Variants in SUV39H1 observed in about 807,000 individuals in gnomAD.
The protein encoded by SUV39H1 is SUV39H1 histone lysine methyltransferase, also known as histone-lysine N-methyltransferase SUV39H1.
For missense variants in SUV39H1, 180 were observed against 386.3 expected (o/e 0.47, Z 4.48); for synonymous variants, 141 against 150.5 (o/e 0.94, Z 0.46).
In SUV39H1 at chrX:48,706,125, G is replaced by A. The variant is rs1425338121; in HGVS notation, c.829-140G>A. 8 of 847,753 alleles carry A rather than the reference G, an allele frequency of 9.4e-6. No homozygotes were observed. In the East Asian group the frequency reaches 1.0e-4, roughly 11 times the overall value. The allele number at this position is 847,753 out of a possible 1,213,427, so 69.9% of individuals were successfully genotyped here. On this transcript the variant is annotated intron_variant, in intron 3 of 5. Transcript: ENST00000376687. ...GAGGCCCAGCTCCTCAGGAAGGGCC[G>A]ACAGACTCTCTGCGTCACTGCCCAT...
At position 48,700,099 on chromosome X, in the gene SUV39H1, A is replaced by G. The variant is rs1557009192; in HGVS notation, c.174A>G (p.Glu58=). ...LCDYKKIREQ[E]YYLVKWRGYP... is the part of the protein sequence containing the mutation. ...CTACCCACCCCCAACAGGAACAGGA[A>G]TATTACCTGGTGAAATGGCGTGGAT... The change falls in exon 3 of 6, where the codon GAA becomes GAG. Residue 58 remains glutamate, a synonymous_variant. Coordinates refer to ENST00000376687, the MANE Select transcript of SUV39H1 (RefSeq NM_003173.4). 1 of 1,186,649 alleles carries G rather than the reference A, an allele frequency of 8.4e-7. No individual in the cohort carries two copies. Among genetic ancestry groups the G allele is most frequent in the South Asian group, 1.9e-5 (1 of 54,034 alleles).
intron 1 of SUV39H1, among the ~76,000 whole-genome samples, chrX:48,697,098 G>A (rs781817629): frequency 1.8e-5 from 2 of 109,683 alleles, no homozygotes; most frequent in Admixed American, 9.4e-5. Flanking sequence ...GGGGCTTGTC[G>A]AGGAGGCCGC....
rs1234216410 is a variant in SUV39H1 at position 48,708,119 on chromosome X, G to A, written c.*549G>A. Reference sequence around the variant, plus strand: ...TACGGGCTGAGGCTGGTTTCTGCTCGTGCTTACAGTGCTGGGTAGTGTTGG... The same window carrying A: ...TACGGGCTGAGGCTGGTTTCTGCTCATGCTTACAGTGCTGGGTAGTGTTGG... On this transcript the variant is annotated 3_prime_UTR_variant, in exon 6 of 6. Transcript: ENST00000376687. The A allele has an allele frequency of 1.9e-5, 4 of 211,035 alleles. No individual in the cohort carries two copies. Among genetic ancestry groups the A allele is most frequent in the South Asian group, 6.2e-5 (1 of 16,015 alleles). 17.4% of individuals were successfully genotyped at this position (211,035 alleles called of 1,213,427 possible).
chrX:48,700,981 A>G (rs781795995), intron 3 of SUV39H1: 8 of 469,805 alleles, frequency 1.7e-5, no homozygotes, highest in Non-Finnish European at 2.7e-5. Context: ...ATACTTCTGC[A>G]CTGGGTTGAC....
chrX:48,706,752 C>G (rs1201339084), intron 5 of SUV39H1, 125 bp downstream of exon 5: 2 of 827,450 alleles, frequency 2.4e-6, no homozygotes, highest in East Asian at 7.0e-5. Flanking sequence ...TTAAGATGCT[C>G]TTCCTGACTC....
rs782020916 is a variant in SUV39H1 at position 48,700,223 on chromosome X, C to G, written c.298C>G (p.Arg100Gly). 2 of 1,202,845 alleles carry G rather than the reference C, an allele frequency of 1.7e-6. No homozygotes were observed. Among genetic ancestry groups the G allele is most frequent in the Non-Finnish European group, 2.2e-6 (2 of 891,633 alleles). The change falls in exon 3 of 6, where the codon CGG becomes GGG. Residue 100 changes from arginine to glycine, a missense_variant. Coordinates refer to ENST00000376687, the MANE Select transcript of SUV39H1 (RefSeq NM_003173.4). ...GGACTTAGAAAGGGAGCTGCTCCGG[C>G]GGCACCACCGGTCAAAGACCCCCCG... ...HKDLERELLR[R>G]HHRSKTPRHL...
intron 2 of SUV39H1, 61 bp downstream of exon 2, chrX:48,699,108 C>T: frequency 9.0e-7 from 1 of 1,112,972 alleles, no homozygotes; most frequent in Non-Finnish European, 1.2e-6. Context: ...AGTGTCCTGC[C>T]CTCTTGTCCC....
At chrX:48,705,281 G>A (rs1236177058) in intron 3 of SUV39H1, 2 of 112,846 alleles carry the variant, frequency 1.8e-5, no homozygotes, top group Admixed American at 9.3e-5. Flanking sequence ...AGGCTGCTAA[G>A]CCAGGAAGCA....
At chrX:48,706,161 G>A (rs1261963369) in intron 3 of SUV39H1, 104 bp from the exon 4 acceptor site, 17 of 1,048,081 alleles carry the variant, frequency 1.6e-5, no homozygotes, top group Middle Eastern at 3.7e-4. Flanking sequence ...GTGTGTCCAC[G>A]GGCAGGGGTG....
upstream of SUV39H1, chrX:48,696,619 C>T (rs1557008616): frequency 2.2e-5 from 14 of 649,936 alleles, no homozygotes; most frequent in Non-Finnish European, 1.3e-5. Context: ...CCTCCGGGAC[C>T]GAGCCGGGCG....
In SUV39H1 at chrX:48,700,513, G is replaced by A. The variant is rs782391993; in HGVS notation, c.588G>A (p.Pro196=). Reference sequence around the variant, plus strand: ...GGGCACCCACTGGAGGCTGCTGCCCGGGGGCGTCACTGCACAAGTTTGCCT... The same window carrying A: ...GGGCACCCACTGGAGGCTGCTGCCCAGGGGCGTCACTGCACAAGTTTGCCT... The part of the protein sequence containing the change: ...CLWAPTGGCC[P]GASLHKFAYN... Residue 196 remains proline (P), a synonymous_variant, in exon 3 of 6, where the codon CCG becomes CCA. Transcript: ENST00000376687. 7.4e-6 allele frequency: 9 copies of A among 1,212,087 alleles called. No individual in the cohort carries two copies. The highest frequency in any genetic ancestry group is 3.5e-5 in the African/African-American group (2 of 57,940).
At chrX:48,703,632 TG>T (rs1440533674) in intron 3 of SUV39H1, among the ~76,000 whole-genome samples, 2 of 112,646 alleles carry the variant, frequency 1.8e-5, no homozygotes, top group Non-Finnish European at 3.7e-5. Flanking sequence ...AATTAAATCA[TG>T]GTGTATCATT....
chrX:48,701,507 T>C (rs782500578), intron 3 of SUV39H1, among the ~76,000 whole-genome samples: 23 of 111,389 alleles, frequency 2.1e-4, no homozygotes, highest in Non-Finnish European at 4.0e-4. Context: ...AAGTGGGGGA[T>C]AGAAGGGGCC....
At chrX:48,695,882 G>A, upstream of SUV39H1, 2 of 1,156,142 alleles carry the variant, frequency 1.7e-6, no homozygotes, top group African/African-American at 1.8e-5. Context: ...GTGGTGTGGA[G>A]GCTTAATCCT....
chrX:48,703,244 C>T (rs1426822204), intron 3 of SUV39H1, among the ~76,000 whole-genome samples: 4 of 112,434 alleles, frequency 3.6e-5, no homozygotes, highest in Admixed American at 1.9e-4. Context: ...CCCAGCCTGA[C>T]CGGATAGGGT....
upstream of SUV39H1, chrX:48,696,557 C>CCCGCTG (rs2062455958): frequency 5.9e-6 from 2 of 339,094 alleles, no homozygotes; most frequent in Non-Finnish European, 9.9e-6. Context: ...CGCTGTCGCT[C>CCCGCTG]CCGCTGCCGC....
intron 3 of SUV39H1, 115 bp from the exon 4 acceptor site, chrX:48,706,150 T>C (rs1557010090): frequency 1.0e-6 from 1 of 989,360 alleles, no homozygotes; most frequent in East Asian, 3.1e-5. Flanking sequence ...TCACTGCCCA[T>C]GTGTGTCCAC....
Position 48,706,297 on chromosome X carries a change from C to T in SUV39H1, c.861C>T (p.Gly287=), listed in dbSNP as rs781974468. The T allele has an allele frequency of 6.9e-5, 84 of 1,209,825 alleles. 2 individuals carry two copies. The Admixed American group carries it at 1.8e-3, about 25-fold the overall frequency. Residue 287 remains glycine, a synonymous_variant, in exon 4 of 6, where the codon GGC becomes GGT. Coordinates refer to ENST00000376687, the MANE Select transcript of SUV39H1 (RefSeq NM_003173.4). ...IITSEEAERR[G]QIYDRQGATY... ...CCTCAGAGGAGGCAGAGCGGCGGGGCCAGATCTACGACCGTCAGGGCGCCA... is the reference window on the plus strand; with the variant it reads ...CCTCAGAGGAGGCAGAGCGGCGGGGTCAGATCTACGACCGTCAGGGCGCCA...
chrX:48,696,980 CA>C (rs1470099023), intron 1 of SUV39H1, among the ~76,000 whole-genome samples, 177 bp downstream of exon 1: 1 of 105,578 alleles, frequency 9.5e-6, no homozygotes, highest in African/African-American at 3.5e-5. Flanking sequence ...GGGCGGGGCT[CA>C]GGGGAGGGGG....
Sources: gnomAD v4.1 joint callset for allele counts (sites outside exome capture counted in the v4.1 genomes callset) on GRCh38, gnomAD v4.1.1 for gene constraint, MANE v1.5 for transcripts, NCBI Gene and HGNC (gene_info 2026-07-23, HGNC 2026-07-21) for gene names.